Variants in ULK4 observed in about 807,000 individuals in gnomAD.
ULK4 encodes unc-51 like kinase 4.
Under a neutral mutation model 160.6 loss-of-function variants are expected in ULK4, and 133 were observed. The observed-to-expected ratio is 0.83, with a 90% CI of 0.72 to 0.96. The LOEUF is 0.96. ULK4 is among the 40% of genes least tolerant of loss of function. ULK4 has a pLI of 0.00. For missense variants in ULK4, 1,580 were observed against 1,499.5 expected, an observed-to-expected ratio of 1.05 and a Z score of -0.89; for synonymous variants, 534 against 539.8, an observed-to-expected ratio of 0.99 and a Z score of 0.15.
chr3:41,802,248 T>C (rs925641286), intron 19 of ULK4, among the ~76,000 whole-genome samples: 1 of 152,110 alleles, frequency 6.6e-6, no homozygotes. Context: ...TGAATAAATA[T>C]AATAGATTGT....
At chr3:41,697,587 A>G (rs373194388) in intron 27 of ULK4, among the ~76,000 whole-genome samples, 1 of 152,172 alleles carries the variant, frequency 6.6e-6, no homozygotes. Context: ...AGAATTTAAT[A>G]CTGAAGAAAG....
intron 31 of ULK4, among the ~76,000 whole-genome samples, chr3:41,591,359 G>A (rs2031290296): frequency 6.6e-6 from 1 of 151,182 alleles, no homozygotes; most frequent in African/African-American, 2.4e-5. Flanking sequence ...AAGTTTTTCA[G>A]ACAAATTTTT....
chr3:41,255,786 T>C (rs1312911517), intron 35 of ULK4, among the ~76,000 whole-genome samples: 1 of 152,196 alleles, frequency 6.6e-6, no homozygotes, highest in Non-Finnish European at 1.5e-5. Context: ...CATGGTGACA[T>C]ACTTTTCAAT....
intron 1 of ULK4, among the ~76,000 whole-genome samples, chr3:41,959,984 T>C (rs911062795): frequency 1.3e-5 from 2 of 152,144 alleles, no homozygotes; most frequent in African/African-American, 4.8e-5. Flanking sequence ...ACAGTATGTA[T>C]AACTGATTTC....
chr3:41,940,540 G>T (rs1716689), intron 2 of ULK4, among the ~76,000 whole-genome samples: 140,122 of 151,960 alleles, frequency 0.92, 65,595 homozygotes, highest in East Asian at 1. Flanking sequence ...TGCATACCTG[G>T]GATGCTACTC....
intron 35 of ULK4, among the ~76,000 whole-genome samples, chr3:41,370,449 C>T (rs558622690): frequency 1.3e-5 from 2 of 152,244 alleles, no homozygotes. Flanking sequence ...AACTGAGGTA[C>T]TCAGCTCATC....
intron 19 of ULK4, among the ~76,000 whole-genome samples, chr3:41,818,168 C>A (rs1321519042): frequency 6.6e-6 from 1 of 151,366 alleles, no homozygotes; most frequent in Non-Finnish European, 1.5e-5. Context: ...ATCCAGCAGT[C>A]CCACTGCTGG....
chr3:41,615,507 A>C (rs1189972022), intron 31 of ULK4, among the ~76,000 whole-genome samples, 162 bp downstream of exon 31: 4 of 152,200 alleles, frequency 2.6e-5, no homozygotes, highest in African/African-American at 9.7e-5. Flanking sequence ...ACATTCCTTT[A>C]CAGATAAGAA....
chr3:41,644,802 G>A (rs1406128197), intron 30 of ULK4, among the ~76,000 whole-genome samples: 15 of 151,916 alleles, frequency 9.9e-5, no homozygotes, highest in Admixed American at 1.3e-4. Flanking sequence ...GGTAGAATTC[G>A]GCTGTGAATC....
chr3:41,380,741 G>A (rs1484900982), intron 35 of ULK4, among the ~76,000 whole-genome samples: 1 of 152,076 alleles, frequency 6.6e-6, no homozygotes, highest in African/African-American at 2.4e-5. Flanking sequence ...TCTCTATGAG[G>A]CTCTGTACAT....
At chr3:41,381,771 G>T (rs1461984071) in intron 35 of ULK4, among the ~76,000 whole-genome samples, 1 of 151,998 alleles carries the variant, frequency 6.6e-6, no homozygotes, top group African/African-American at 2.4e-5. Flanking sequence ...TCTCCCTTCA[G>T]CTCAAAACCC....
At chr3:41,557,959 T>C (rs958545617) in intron 32 of ULK4, among the ~76,000 whole-genome samples, 3 of 151,950 alleles carry the variant, frequency 2.0e-5, no homozygotes, top group African/African-American at 4.8e-5. Flanking sequence ...CTTGAACAAA[T>C]GGGGAAGCAA....
chr3:41,705,352 GAAATA>G (rs1360334712), intron 25 of ULK4, 47 bp from the exon 26 acceptor site: 5 of 1,436,948 alleles, frequency 3.5e-6, no homozygotes, highest in Non-Finnish European at 3.8e-6. Context: ...AAGTAACTCT[GAAATA>G]AAATATAGGT....
At chr3:41,735,863 C>T (rs1164627041) in intron 22 of ULK4, among the ~76,000 whole-genome samples, 1 of 114,152 alleles carries the variant, frequency 8.8e-6, no homozygotes, top group Non-Finnish European at 1.7e-5. Flanking sequence ...CACAACAGTC[C>T]CCAGAGTGTG....
In ULK4 at chr3:41,275,919, G is replaced by A. The variant is rs929574370; in HGVS notation, c.3679-26345C>T. Among the ~76,000 whole-genome samples, 5 of 152,350 alleles carry A rather than the reference G, an allele frequency of 3.3e-5. No homozygotes were observed. The South Asian group carries it at 6.2e-4, about 19-fold the overall frequency. On this transcript the variant is annotated intron_variant, in intron 35 of 36. Transcript: ENST00000301831. ...TTGGGTATGGGCTTTGTCTATGGAT[G>A]TATTAAAGAAGGAATATCAACAAAG...
At chr3:41,826,629 C>A (rs1048755565) in intron 18 of ULK4, among the ~76,000 whole-genome samples, 3 of 147,044 alleles carry the variant, frequency 2.0e-5, no homozygotes, top group Admixed American at 2.0e-4. Flanking sequence ...TACATATGCA[C>A]CCAATACAGG....
intron 17 of ULK4, chr3:41,869,164 A>T: frequency 6.6e-6 from 1 of 151,404 alleles, no homozygotes; most frequent in African/African-American, 2.4e-5. Context: ...TTTTTTTTTT[A>T]ACTGGATAGT....
chr3:41,901,498 T>TTTTTTTTTTTTTTTTTTTA (rs1575915993), intron 12 of ULK4, among the ~76,000 whole-genome samples: 1 of 122,286 alleles, frequency 8.2e-6, no homozygotes, highest in African/African-American at 2.8e-5. Context: ...TTTTTTTTTT[T>TTTTTTTTTTTTTTTTTTTA]GAGATAGAGT....
rs371926217 is a variant in ULK4 at position 41,635,043 on chromosome 3, A to G, written c.3072-19326T>C. ...AAAGAACATCAATGAAGGTGAAATG[A>G]AAACGGTCAAAAAGAATGGGTTAAC... On this transcript the variant is annotated intron_variant, in intron 30 of 36. Transcript: ENST00000301831. 2.7e-4 allele frequency among the ~76,000 whole-genome samples: 41 copies of G among 152,324 alleles called. No individual in the cohort carries two copies. In the South Asian group the frequency reaches 7.9e-3, roughly 29 times the overall value.
Sources: allele counts gnomAD v4.1 joint callset (sites outside exome capture counted in the v4.1 genomes callset), GRCh38; gene constraint gnomAD v4.1.1; transcripts MANE v1.5; gene names NCBI Gene and HGNC (gene_info 2026-07-23, HGNC 2026-07-21).